Variants in MICAL3 observed in about 807,000 individuals in gnomAD.
The protein encoded by MICAL3 is [F-actin]-monooxygenase MICAL3.
In MICAL3, 62 loss-of-function variants were observed where a neutral mutation model predicts 207.4. The ratio of observed to expected loss-of-function variants is 0.30; its 90% CI spans 0.24 to 0.37. The LOEUF is 0.37. Among genes scored for constraint, MICAL3 ranks in the 10% least tolerant of loss-of-function variants. The pLI, the probability that MICAL3 is intolerant of heterozygous loss-of-function variation, is 1.00. For missense variants in MICAL3, 2,368 were observed against 2,635.6 expected, an observed-to-expected ratio of 0.90 and a Z score of 2.22; for synonymous variants, 1,077 against 1,069.3, an observed-to-expected ratio of 1.01 and a Z score of -0.14.
intron 29 of MICAL3, among the ~76,000 whole-genome samples, chr22:17,802,490 T>C (rs780844139): frequency 6.6e-6 from 1 of 152,092 alleles, no homozygotes; most frequent in Non-Finnish European, 1.5e-5. Flanking sequence ...CCAGTGGTCG[T>C]TGAGTGTGGA....
chr22:17,872,143 A>C, intron 16 of MICAL3, 120 bp from the exon 17 acceptor site: 2 of 820,520 alleles, frequency 2.4e-6, no homozygotes, highest in Non-Finnish European at 3.7e-6. Context: ...GCTTTGAGAC[A>C]GACTTCTAAC....
chr22:17,807,702 G>A (rs2062002234), intron 29 of MICAL3, among the ~76,000 whole-genome samples: 1 of 152,178 alleles, frequency 6.6e-6, no homozygotes, highest in Admixed American at 6.5e-5. Flanking sequence ...CAGTCCTACA[G>A]GCCACAGGAA....
chr22:17,868,048 A>G (rs140505614), intron 17 of MICAL3, among the ~76,000 whole-genome samples: 13 of 152,366 alleles, frequency 8.5e-5, no homozygotes, highest in African/African-American at 2.9e-4. Flanking sequence ...AGCCTAATCA[A>G]AAAGTTCCAG....
At chr22:17,886,359 C>T (rs1602147150) in intron 15 of MICAL3, among the ~76,000 whole-genome samples, 1 of 152,212 alleles carries the variant, frequency 6.6e-6, no homozygotes, top group South Asian at 2.1e-4. Flanking sequence ...TAAACAAAGG[C>T]AAACATCCAC....
chr22:17,825,854 C>G (rs976858780), intron 22 of MICAL3, among the ~76,000 whole-genome samples: 1 of 152,184 alleles, frequency 6.6e-6, no homozygotes, highest in Non-Finnish European at 1.5e-5. Context: ...ACACACACTT[C>G]CAGAAACATG....
At chr22:17,812,555 T>C (rs1311579299) in intron 27 of MICAL3, 2 of 985,516 alleles carry the variant, frequency 2.0e-6, no homozygotes, top group African/African-American at 3.5e-5. Context: ...GTACATAAAT[T>C]GACTTTTAAG....
chr22:17,911,043 G>A (rs542854398), intron 1 of MICAL3, among the ~76,000 whole-genome samples: 1 of 152,274 alleles, frequency 6.6e-6, no homozygotes, highest in East Asian at 1.9e-4. Context: ...AGGAGGTGAT[G>A]CCAGGTTTCC....
At chr22:17,945,102 A>G (rs543325250) in intron 1 of MICAL3, among the ~76,000 whole-genome samples, 1 of 150,436 alleles carries the variant, frequency 6.6e-6, no homozygotes, top group East Asian at 2.0e-4. Flanking sequence ...GACTCAGTCT[A>G]TACCTATTAG....
In MICAL3 at chr22:17,818,293, G is replaced by C; in HGVS notation, c.4368C>G (p.Pro1456=). The change falls in exon 26 of 32, where the codon CCC becomes CCG. Residue 1456 remains proline, a synonymous_variant. Coordinates refer to ENST00000441493, the MANE Select transcript of MICAL3 (RefSeq NM_015241.3). ...GGGGTGGCGGTGGGGGCGGGCTGGA[G>C]GGGGGCGTGAGCATGGCGGAGTCCG... ...NTSDSAMLTP[P]SSPPPPPPPG... is the part of the protein sequence containing the mutation. 6.6e-7 allele frequency: 1 copy of C among 1,516,836 alleles called. No homozygotes were observed. The highest frequency in any genetic ancestry group is 8.8e-7 in the Non-Finnish European group (1 of 1,137,420). 94.0% of individuals were successfully genotyped at this position (1,516,836 alleles called of 1,614,324 possible).
rs1931259317 is a variant in MICAL3, at chr22:17,900,791, C to T, written c.847+51G>A. ...CACCAATCCCCCAAGAAAAAGCCAC[C>T]AGGGACTATTTAAGTTTCTATCCTA... On this transcript the variant is annotated intron_variant, in intron 6 of 31. Coordinates refer to ENST00000441493, the MANE Select transcript of MICAL3 (RefSeq NM_015241.3). This position sits in a 1 kb window ranked among gnomAD's most constrained non-coding sequence, Gnocchi z 4.0. 1 of 1,579,516 alleles carries T rather than the reference C, an allele frequency of 6.3e-7. No homozygotes were observed. Among genetic ancestry groups the T allele is most frequent in the African/African-American group, 1.4e-5 (1 of 74,008 alleles).
intron 1 of MICAL3, among the ~76,000 whole-genome samples, chr22:17,996,934 G>A (rs1922348871): frequency 6.6e-6 from 1 of 151,878 alleles, no homozygotes; most frequent in Non-Finnish European, 1.5e-5. Context: ...AGCAGCTCAA[G>A]CAAAATGGCC....
At chr22:17,828,046 T>C (rs1318962838) in intron 21 of MICAL3, among the ~76,000 whole-genome samples, 1 of 152,146 alleles carries the variant, frequency 6.6e-6, no homozygotes, top group Non-Finnish European at 1.5e-5. Context: ...TTCAATTCAG[T>C]GAAGAGAATC....
rs143470872 is a variant in MICAL3 at position 17,902,768 on chromosome 22, C to T, written c.473-21G>A. 273 of 1,464,802 alleles carry T rather than the reference C, an allele frequency of 1.9e-4. 1 individual carries two copies. The East Asian group carries it at 3.8e-3, about 20-fold the overall frequency. 90.7% of individuals were successfully genotyped at this position (1,464,802 alleles called of 1,614,324 possible). A position where few individuals can be genotyped will look rare whatever the true frequency, so the allele number is the denominator to read the frequency against. ...GATACCTGGGAGAATACAGAGATGA[C>T]GTTGATGGGAACACATGGAGAAGGG... On this transcript the variant is annotated intron_variant, in intron 3 of 31. Coordinates refer to ENST00000441493, the MANE Select transcript of MICAL3 (RefSeq NM_015241.3). This position sits in a 1 kb window ranked among gnomAD's most constrained non-coding sequence, Gnocchi z 4.5.
chr22:17,900,929 T>C lies in MICAL3; in HGVS notation c.760A>G (p.Thr254Ala). The C allele has an allele frequency of 6.2e-7, 1 of 1,614,058 alleles. No homozygotes were observed. Among genetic ancestry groups the C allele is most frequent in the Non-Finnish European group, 8.5e-7 (1 of 1,179,868 alleles). The part of the protein sequence containing the change: ...AITANFINRN[T>A]TAEAKVEEIS... ...TCTTCCACTTTAGCTTCTGCTGTTG[T>C]ATTTCGGTTGATAAAATTTGCCGTG... The change falls in exon 6 of 32, where the codon ACA (threonine) becomes GCA (alanine). Residue 254 changes from threonine (T) to alanine (A), a missense_variant. Transcript: ENST00000441493. This position sits in a 1 kb window ranked among gnomAD's most constrained non-coding sequence, Gnocchi z 4.0.
rs999734222 is a variant in MICAL3 at position 17,796,277 on chromosome 22, T to C, written c.5651-4976A>G. 6.6e-6 allele frequency among the ~76,000 whole-genome samples: 1 copy of C among 152,208 alleles called. No individual in the cohort carries two copies. Among genetic ancestry groups the C allele is most frequent in the Admixed American group, 6.5e-5 (1 of 15,284 alleles). ...GACGTGTGACCCAGGGGTGGCTCTT[T>C]AGTGCCACTCGCTTGACACCTGGCG... On this transcript the variant is annotated intron_variant, in intron 29 of 31. Transcript: ENST00000441493. The surrounding 1 kb of genome is among the most constrained non-coding windows in gnomAD (Gnocchi z 4.4).
At chr22:17,897,067 C>T (rs1930907886) in intron 7 of MICAL3, 86 bp from the exon 8 acceptor site, 10 of 1,427,726 alleles carry the variant, frequency 7.0e-6, no homozygotes, top group South Asian at 1.4e-5. Context: ...GCCACAGCTT[C>T]TTCTTCCCCC....
intron 2 of MICAL3, among the ~76,000 whole-genome samples, chr22:17,905,469 T>C (rs1430593860): frequency 1.3e-5 from 2 of 152,228 alleles, no homozygotes; most frequent in Non-Finnish European, 2.9e-5. Flanking sequence ...TTGCTCTGTG[T>C]GTGCGGAAGG....
intron 1 of MICAL3, among the ~76,000 whole-genome samples, chr22:17,941,244 A>T (rs957698674): frequency 6.6e-6 from 1 of 152,192 alleles, no homozygotes; most frequent in Admixed American, 6.5e-5. Context: ...ACCCCTGCCC[A>T]AAGAGATTCC....
chr22:17,825,891 C>T (rs1042088864), intron 22 of MICAL3, among the ~76,000 whole-genome samples: 3 of 152,192 alleles, frequency 2.0e-5, no homozygotes, highest in Non-Finnish European at 2.9e-5. Context: ...GGCTGCTCAA[C>T]GATCTCTTGT....
Sources: allele counts gnomAD v4.1 joint callset (sites outside exome capture counted in the v4.1 genomes callset), GRCh38; gene constraint gnomAD v4.1.1; non-coding constraint Gnocchi (gnomAD v3.1); transcripts MANE v1.5; gene names NCBI Gene and HGNC (gene_info 2026-07-23, HGNC 2026-07-21).